The following GOT1L1 variants were observed in gnomAD, a reference collection of about 807,000 sequenced individuals.
GOT1L1 encodes aspartate aminotransferase, cytoplasmic 2.
GOT1L1 carries 38 observed loss-of-function variants against 43.6 expected under a neutral mutation model. That is an observed-to-expected ratio of 0.87 (90% CI 0.67 to 1.14). The LOEUF (loss-of-function observed/expected upper bound fraction) is 1.14. Ranked by LOEUF, GOT1L1 falls within the 50% of genes most tolerant of loss-of-function variation. The probability of loss-of-function intolerance (pLI) is 0.00; values close to 1 mark genes in which losing one functional copy is unlikely to be tolerated. For missense variants in GOT1L1, 482 were observed against 504.0 expected, an observed-to-expected ratio of 0.96 and a Z score of 0.42; for synonymous variants, 183 against 187.2, an observed-to-expected ratio of 0.98 and a Z score of 0.18.
At chr8:37,936,905 CAGAT>C (rs1563388027) in intron 5 of GOT1L1, 35 bp from the exon 6 acceptor site, 1 of 1,611,088 alleles carries the variant, frequency 6.2e-7, no homozygotes, top group African/African-American at 1.3e-5. Context: ...AAGAATGAGA[CAGAT>C]GGAGGAGAGA....
rs1429541503 is a variant in GOT1L1, at chr8:37,936,702, C to T, written c.763+18G>A. 3 of 1,592,676 alleles carry T rather than the reference C, an allele frequency of 1.9e-6. No individual in the cohort carries two copies. The highest frequency in any genetic ancestry group is 3.4e-5 in the Admixed American group (2 of 58,284). On this transcript the variant is annotated intron_variant, in intron 6 of 8. Transcript: ENST00000307599. ...CCACTTCAGCAACAGACCCTCCCTT[C>T]TTCTGCCTGTACCATACCATAAATG... is the stretch of plus-strand genomic sequence containing the variant.
chr8:37,934,787 G>C (rs1807699496), intron 8 of GOT1L1, among the ~76,000 whole-genome samples: 2 of 152,028 alleles, frequency 1.3e-5, no homozygotes, highest in Admixed American at 1.3e-4. Context: ...TGTTGGCCAG[G>C]CTGGTCTCGA....
At position 37,939,430 on chromosome 8, in the gene GOT1L1, AAATATATATATATATATAT is replaced by A. The variant is rs1427708987; in HGVS notation, c.115+466_115+484del. Among the ~76,000 whole-genome samples, 60 of 59,446 alleles carry A rather than the reference AAATATATATATATATATAT, an allele frequency of 1.0e-3. 3 individuals are homozygous for A. The highest frequency in any genetic ancestry group is 4.3e-3 in the African/African-American group (52 of 12,070). The allele number at this position is 59,446 out of a possible 152,430, so 39.0% of individuals were successfully genotyped here. A position where few individuals can be genotyped will look rare whatever the true frequency, so the allele number is the denominator to read the frequency against. ...CCCTGTCTCAAGAAAAAAAAAAAAA[AAATATATATATATATATAT>A]ATATATATATATATATATATATATG... On this transcript the variant is annotated intron_variant, in intron 1 of 8. Coordinates refer to ENST00000307599, the MANE Select transcript of GOT1L1 (RefSeq NM_152413.3).
chr8:37,939,432 ATAT>A (rs1422613085), intron 1 of GOT1L1, among the ~76,000 whole-genome samples: 776 of 65,152 alleles, frequency 0.012, 19 homozygotes, highest in African/African-American at 0.044. Flanking sequence ...AAAAAAAAAA[ATAT>A]ATATATATAT....
rs756619859 is a variant in GOT1L1, at chr8:37,938,766, T to C, written c.231A>G (p.Lys77=). 1.2e-6 allele frequency: 2 copies of C among 1,610,840 alleles called. No individual in the cohort carries two copies. ...GTGCTAGAGAGGCCTGGATGAATGA[T>C]TTCAGGCCCATGGTGGGCAAGTACT... ...NYEYLPTMGL[K]SFIQASLALL... The change falls in exon 2 of 9, where the codon AAA becomes AAG. Residue 77 remains lysine (K), a synonymous_variant. Transcript: ENST00000307599.
chr8:37,937,210 G>C, intron 4 of GOT1L1, 67 bp downstream of exon 4: 4 of 1,235,210 alleles, frequency 3.2e-6, no homozygotes, highest in Non-Finnish European at 4.6e-6. Flanking sequence ...TAAGAGGTGT[G>C]GGGAGGAGAG....
chr8:37,935,343 A>T, intron 7 of GOT1L1, 128 bp from the exon 8 acceptor site: 1 of 967,852 alleles, frequency 1.0e-6, no homozygotes, highest in Non-Finnish European at 1.5e-6. Flanking sequence ...TGGGATGATT[A>T]TGAGTGGGAG....
intron 1 of GOT1L1, 26 bp downstream of exon 1, chr8:37,939,889 A>C (rs201794498): frequency 4.4e-6 from 7 of 1,603,606 alleles, no homozygotes; most frequent in Non-Finnish European, 5.1e-6. Flanking sequence ...CTTAAGTCTT[A>C]TACTTCAGAA....
At chr8:37,934,565 A>G (rs1340682772) in intron 8 of GOT1L1, 79 bp from the exon 9 acceptor site, 2 of 1,018,576 alleles carry the variant, frequency 2.0e-6, no homozygotes, top group African/African-American at 3.2e-5. Context: ...TTATTTTCTT[A>G]TTTTTTTATT....
intron 3 of GOT1L1, 68 bp from the exon 4 acceptor site, chr8:37,937,454 G>A: frequency 8.7e-7 from 1 of 1,145,810 alleles, no homozygotes; most frequent in Non-Finnish European, 1.3e-6. Flanking sequence ...AGGTACTGGA[G>A]TGTGGGGCTG....
rs758012965 is a variant in GOT1L1, at chr8:37,934,347, GCT to G, written c.1210_1211del (p.Ser404LeufsTer?). ...GINEAVLLTE[S>X]SEMCLPKEKK... ...TTTCCTTTGGAAGACACATCTCTGA[GCT>G]CTCTGTGAGGAGGACAGCCTCATTG... On this transcript the variant is annotated frameshift_variant, in exon 9 of 9. Transcript: ENST00000307599. LOFTEE classifies it low-confidence loss of function (END_TRUNC). 4 of 1,613,746 alleles carry G rather than the reference GCT, an allele frequency of 2.5e-6. No individual in the cohort carries two copies. The highest frequency in any genetic ancestry group is 3.4e-6 in the Non-Finnish European group (4 of 1,179,748).
At chr8:37,935,633 C>A (rs993033342) in intron 7 of GOT1L1, 71 bp downstream of exon 7, 7 of 1,375,308 alleles carry the variant, frequency 5.1e-6, no homozygotes, top group Non-Finnish European at 6.8e-6. Flanking sequence ...CCTGCCGAAT[C>A]CTGCAGATCA....
At chr8:37,935,551 T>G (rs892297844) in intron 7 of GOT1L1, among the ~76,000 whole-genome samples, 153 bp downstream of exon 7, 1 of 152,182 alleles carries the variant, frequency 6.6e-6, no homozygotes, top group Non-Finnish European at 1.5e-5. Context: ...CCGCCATTGG[T>G]ACACATCAGG....
Position 37,935,692 on chromosome 8 carries a change from C to G in GOT1L1, c.929+12G>C. 1 of 1,569,156 alleles carries G rather than the reference C, an allele frequency of 6.4e-7. No individual in the cohort carries two copies. Among genetic ancestry groups the G allele is most frequent in the Non-Finnish European group, 8.6e-7 (1 of 1,157,816 alleles). ...CTCTCCCATCCCTTCCTGCTCCAGC[C>G]CTCACCCTTACCATTCTCCCAGCAG... On this transcript the variant is annotated intron_variant, in intron 7 of 8. Coordinates refer to ENST00000307599, the MANE Select transcript of GOT1L1 (RefSeq NM_152413.3).
chr8:37,937,537 C>T (rs971132303), intron 3 of GOT1L1, 101 bp downstream of exon 3: 13 of 1,066,802 alleles, frequency 1.2e-5, no homozygotes, highest in Non-Finnish European at 1.8e-5. Context: ...CCATTTTGCT[C>T]ATGACAGAGA....
At chr8:37,939,431 A>AAAAAAAAAAAAAAAAAT (rs1237987679) in intron 1 of GOT1L1, among the ~76,000 whole-genome samples, 1 of 41,696 alleles carries the variant, frequency 2.4e-5, no homozygotes, top group African/African-American at 8.6e-5. Flanking sequence ...AAAAAAAAAA[A>AAAAAAAAAAAAAAAAAT]ATATATATAT....
At chr8:37,937,093 C>G (rs199632819) in intron 4 of GOT1L1, 36 bp from the exon 5 acceptor site, 1 of 1,594,780 alleles carries the variant, frequency 6.3e-7, no homozygotes, top group East Asian at 2.2e-5. Flanking sequence ...GCTTCACCCC[C>G]ACCCAGGAGT....
At chr8:37,935,282 C>A in intron 7 of GOT1L1, 67 bp from the exon 8 acceptor site, 2 of 1,438,190 alleles carry the variant, frequency 1.4e-6, no homozygotes, top group Non-Finnish European at 1.9e-6. Context: ...TCCCTCATTG[C>A]CAGTCCACTC....
Position 37,939,886 on chromosome 8 carries a change from C to T in GOT1L1, c.115+29G>A, listed in dbSNP as rs187641207. On this transcript the variant is annotated intron_variant, in intron 1 of 8. Transcript: ENST00000307599. ...TAGAGGCAGTTACCATCACTTAAGT[C>T]TTATACTTCAGAACTGCTAGGCATC... 132 of 1,600,990 alleles carry T rather than the reference C, an allele frequency of 8.2e-5. No individual in the cohort carries two copies. The African/African-American group carries it at 1.5e-3, about 18-fold the overall frequency.
Sources: gnomAD v4.1 joint callset for allele counts (sites outside exome capture counted in the v4.1 genomes callset) on GRCh38, gnomAD v4.1.1 for gene constraint, MANE v1.5 for transcripts, NCBI Gene and HGNC (gene_info 2026-07-23, HGNC 2026-07-21) for gene names.